WASF3: variants seen among roughly 807,000 people sequenced by gnomAD.
WASF3 encodes the protein WASP family member 3.
WASF3 carries 11 observed loss-of-function variants against 46.6 expected under a neutral mutation model. That is an observed-to-expected ratio of 0.24 (90% CI 0.15 to 0.39). The LOEUF is 0.39. WASF3 is among the 10% of genes least tolerant of loss of function. WASF3 has a pLI of 1.00. For missense variants in WASF3, 576 were observed against 669.8 expected, an observed-to-expected ratio of 0.86 and a Z score of 1.55; for synonymous variants, 242 against 259.7, an observed-to-expected ratio of 0.93 and a Z score of 0.65.
At chr13:26,637,364 C>T (rs180913308) in intron 2 of WASF3, among the ~76,000 whole-genome samples, 2 of 152,314 alleles carry the variant, frequency 1.3e-5, no homozygotes, top group African/African-American at 4.8e-5. Context: ...TTTCAGAATG[C>T]TGGGTTTTCT....
intron 1 of WASF3, among the ~76,000 whole-genome samples, chr13:26,604,596 A>G (rs1593143049): frequency 6.6e-6 from 1 of 152,104 alleles, no homozygotes; most frequent in East Asian, 1.9e-4. Flanking sequence ...ACTGAACTAT[A>G]AAAAAAAGAA....
chr13:26,627,708 G>T (rs1342588175), intron 2 of WASF3, among the ~76,000 whole-genome samples: 1 of 151,854 alleles, frequency 6.6e-6, no homozygotes, highest in Admixed American at 6.6e-5. Flanking sequence ...TACAAATGTT[G>T]GATAGAGTAT....
intron 1 of WASF3, among the ~76,000 whole-genome samples, chr13:26,566,773 C>CT (rs931102272): frequency 6.6e-6 from 1 of 152,200 alleles, no homozygotes; most frequent in Non-Finnish European, 1.5e-5. Context: ...TCTTAGCTTA[C>CT]TTTAGGCTGG....
chr13:26,667,677 C>CTT lies in WASF3; in HGVS notation c.422+8_422+9dup. 1 of 1,612,552 alleles carries CTT rather than the reference C, an allele frequency of 6.2e-7. No homozygotes were observed. ...ACATCCTGACACCATACAGGTATAGCTTCATGAGTCCCAGAGCCTCTCCTT... is the reference window on the plus strand; with the variant it reads ...ACATCCTGACACCATACAGGTATAGCTTTTCATGAGTCCCAGAGCCTCTCCTT... On this transcript the variant is annotated splice_region_variant and intron_variant, in intron 5 of 9. Coordinates refer to ENST00000335327, the MANE Select transcript of WASF3 (RefSeq NM_006646.6).
intron 1 of WASF3, among the ~76,000 whole-genome samples, chr13:26,600,569 C>T (rs1566047036): frequency 6.6e-6 from 1 of 152,272 alleles, no homozygotes; most frequent in East Asian, 1.9e-4. Flanking sequence ...AGCTTTTCAT[C>T]CCAGCAGAGA....
chr13:26,605,604 A>T (rs1880769782), intron 1 of WASF3, among the ~76,000 whole-genome samples: 1 of 152,172 alleles, frequency 6.6e-6, no homozygotes. Flanking sequence ...AAAGAAAAAG[A>T]TTTGTCACAG....
chr13:26,633,837 G>A (rs1331468720), intron 2 of WASF3, among the ~76,000 whole-genome samples: 1 of 152,164 alleles, frequency 6.6e-6, no homozygotes, highest in Admixed American at 6.5e-5. Flanking sequence ...TAATTTGATT[G>A]CACTGTGTTC....
chr13:26,556,061 A>G (rs753550810), upstream of WASF3, among the ~76,000 whole-genome samples: 2 of 152,240 alleles, frequency 1.3e-5, no homozygotes, highest in Non-Finnish European at 2.9e-5. Context: ...TAAAAGGAGG[A>G]AAGAGGACTG....
At chr13:26,615,276 G>T (rs1881096637) in intron 2 of WASF3, among the ~76,000 whole-genome samples, 1 of 151,918 alleles carries the variant, frequency 6.6e-6, no homozygotes, top group South Asian at 2.1e-4. Context: ...CAGATTATCT[G>T]TTGCCACAGA....
chr13:26,620,910 A>G (rs1461181856), intron 2 of WASF3, among the ~76,000 whole-genome samples: 2 of 152,180 alleles, frequency 1.3e-5, no homozygotes, highest in Non-Finnish European at 2.9e-5. Context: ...TATTCCATAG[A>G]CACAAAGTTG....
chr13:26,682,659 C>G lies in WASF3; in HGVS notation c.1036C>G (p.Pro346Ala). ...EYYNPSGPPP[P>A]PPPPVIPSAQ... The stretch of plus-strand genomic sequence containing the variant: ...TTACAACCCATCCGGACCACCTCCT[C>G]CGCCACCTCCTCCTGTGATTCCCTC... The change falls in exon 9 of 10, where the codon CCG becomes GCG. Residue 346 changes from proline to alanine, a missense_variant. Physicochemically the swap from Pro to Ala is conservative, Grantham distance 27. Around this residue, in one of 3 missense-constraint regions of WASF3, gnomAD observed 295 missense variants for 291.5 expected, o/e 1.01. Transcript: ENST00000335327. This position sits in a 1 kb window ranked among gnomAD's most constrained non-coding sequence, Gnocchi z 4.4. 1 of 1,614,166 alleles carries G rather than the reference C, an allele frequency of 6.2e-7. No individual in the cohort carries two copies. Among genetic ancestry groups the G allele is most frequent in the African/African-American group, 1.3e-5 (1 of 75,050 alleles).
chr13:26,687,187 A>C lies in WASF3; in HGVS notation c.*1342A>C, dbSNP rs186747835. 1 of 152,352 alleles carries C rather than the reference A, an allele frequency of 6.6e-6. No individual in the cohort carries two copies. The highest frequency in any genetic ancestry group is 6.5e-5 in the Admixed American group (1 of 15,300). 9.4% of individuals were successfully genotyped at this position (152,352 alleles called of 1,614,324 possible). A position where few individuals can be genotyped will look rare whatever the true frequency, so the allele number is the denominator to read the frequency against. On this transcript the variant is annotated 3_prime_UTR_variant, in exon 10 of 10. Transcript: ENST00000335327. ...TGAAAGATAACTGTGTTGAACAAAC[A>C]GGTGCTCCAGGCTTTGATTATAGAT... is the stretch of plus-strand genomic sequence containing the variant.
chr13:26,570,007 C>T (rs560718754), intron 1 of WASF3, among the ~76,000 whole-genome samples: 54 of 152,232 alleles, frequency 3.5e-4, no homozygotes, highest in East Asian at 1.9e-4. Flanking sequence ...CTTGATCAGC[C>T]GGGCGCGGTG....
intron 2 of WASF3, among the ~76,000 whole-genome samples, chr13:26,630,246 G>T (rs1321724550): frequency 6.6e-6 from 1 of 152,078 alleles, no homozygotes; most frequent in Non-Finnish European, 1.5e-5. Flanking sequence ...TGCCATGTTG[G>T]TTTGCTGCAC....
intron 1 of WASF3, among the ~76,000 whole-genome samples, chr13:26,606,374 G>A: frequency 6.8e-6 from 1 of 146,756 alleles, no homozygotes; most frequent in Non-Finnish European, 1.5e-5. Context: ...GTCTGTGGCG[G>A]GGACAGGATC....
At chr13:26,592,425 A>G (rs1268629234) in intron 1 of WASF3, among the ~76,000 whole-genome samples, 1 of 152,176 alleles carries the variant, frequency 6.6e-6, no homozygotes, top group Non-Finnish European at 1.5e-5. Flanking sequence ...TTATTTTCTC[A>G]TAGTTCTGGA....
At chr13:26,612,567 T>C (rs1488700094) in intron 1 of WASF3, among the ~76,000 whole-genome samples, 3 of 152,218 alleles carry the variant, frequency 2.0e-5, no homozygotes, top group African/African-American at 4.8e-5. Flanking sequence ...ATACAAATGC[T>C]CTTATTAGCT....
At chr13:26,554,096 C>CTTCTTTCTTTCCTTCTTTCTTTCTTTCT (rs1879039599), upstream of WASF3, among the ~76,000 whole-genome samples, 4 of 7,386 alleles carry the variant, frequency 5.4e-4, no homozygotes, top group Non-Finnish European at 1.2e-3. Context: ...TCCTTCCTTC[C>CTTCTTTCTTTCCTTCTTTCTTTCTTTCT]TTCTTTCTTT....
intron 5 of WASF3, 95 bp downstream of exon 5, chr13:26,667,765 G>C (rs909331326): frequency 1.2e-5 from 15 of 1,253,776 alleles, no homozygotes; most frequent in Non-Finnish European, 1.6e-5. Context: ...GAATGTCCTT[G>C]ATGGTTCATC....
Sources: allele counts gnomAD v4.1 joint callset (sites outside exome capture counted in the v4.1 genomes callset), GRCh38; gene constraint gnomAD v4.1.1; regional missense constraint gnomAD v4.1.1; non-coding constraint Gnocchi (gnomAD v3.1); transcripts MANE v1.5; gene names NCBI Gene and HGNC (gene_info 2026-07-23, HGNC 2026-07-21).